The following PTPRK variants were observed in gnomAD, a reference collection of about 807,000 sequenced individuals.
PTPRK encodes the protein protein tyrosine phosphatase receptor type K.
Under a neutral mutation model 178.0 loss-of-function variants are expected in PTPRK, and 75 were observed. The ratio of observed to expected loss-of-function variants is 0.42; its 90% CI spans 0.35 to 0.51. The LOEUF (loss-of-function observed/expected upper bound fraction) is 0.51, where lower values mean the gene tolerates loss of function less well. PTPRK is among the 20% of genes least tolerant of loss of function. The pLI, the probability that PTPRK is intolerant of heterozygous loss-of-function variation, is 0.02. For missense variants in PTPRK, 1,441 were observed against 1,797.8 expected, an observed-to-expected ratio of 0.80 and a Z score of 3.59; for synonymous variants, 637 against 620.6, an observed-to-expected ratio of 1.03 and a Z score of -0.39.
intron 7 of PTPRK, among the ~76,000 whole-genome samples, chr6:128,107,745 A>T (rs146434074): frequency 6.6e-6 from 1 of 152,202 alleles, no homozygotes; most frequent in African/African-American, 2.4e-5. Flanking sequence ...AATTTGAGAG[A>T]TGAAGATTTT....
intron 2 of PTPRK, among the ~76,000 whole-genome samples, chr6:128,344,202 G>C (rs1832082821): frequency 6.6e-6 from 1 of 151,998 alleles, no homozygotes; most frequent in African/African-American, 2.4e-5. Context: ...ATTCTAAATG[G>C]GTAAATGACT....
intron 1 of PTPRK, among the ~76,000 whole-genome samples, chr6:128,431,501 T>TA (rs911548107): frequency 6.6e-5 from 10 of 151,474 alleles, no homozygotes; most frequent in Admixed American, 2.6e-4. Context: ...GAAATCAATT[T>TA]AAAAAAAAAT....
intron 1 of PTPRK, among the ~76,000 whole-genome samples, chr6:128,447,486 A>G (rs1847179182): frequency 6.6e-6 from 1 of 152,192 alleles, no homozygotes; most frequent in Non-Finnish European, 1.5e-5. Flanking sequence ...TACATAACTG[A>G]TCTAGAGATC....
chr6:128,269,158 T>C (rs1486809957), intron 3 of PTPRK, among the ~76,000 whole-genome samples: 1 of 151,974 alleles, frequency 6.6e-6, no homozygotes, highest in Admixed American at 6.6e-5. Flanking sequence ...TAAGGGGCAA[T>C]TCTTAACTTT....
chr6:128,196,863 C>G (rs939887898), intron 6 of PTPRK, among the ~76,000 whole-genome samples: 1 of 152,140 alleles, frequency 6.6e-6, no homozygotes, highest in Non-Finnish European at 1.5e-5. Flanking sequence ...TTTCCACGCT[C>G]AGCCAGGTCA....
At chr6:128,393,706 G>C (rs1205292251) in intron 2 of PTPRK, among the ~76,000 whole-genome samples, 1 of 152,170 alleles carries the variant, frequency 6.6e-6, no homozygotes, top group Non-Finnish European at 1.5e-5. Context: ...AGAGAATCCA[G>C]TATGGTAAGA....
intron 6 of PTPRK, among the ~76,000 whole-genome samples, chr6:128,216,061 T>A (rs1809221489): frequency 3.9e-5 from 6 of 152,138 alleles, no homozygotes; most frequent in Admixed American, 3.9e-4. Flanking sequence ...GTATCACCTG[T>A]ACGTATTAAA....
intron 4 of PTPRK, among the ~76,000 whole-genome samples, 180 bp from the exon 5 acceptor site, chr6:128,240,330 A>G (rs545375488): frequency 6.6e-6 from 1 of 152,282 alleles, no homozygotes; most frequent in African/African-American, 2.4e-5. Context: ...TGTGACTCTC[A>G]TAGTTCTCTT....
intron 2 of PTPRK, among the ~76,000 whole-genome samples, chr6:128,377,121 T>C (rs1373500219): frequency 6.6e-6 from 1 of 152,190 alleles, no homozygotes; most frequent in Non-Finnish European, 1.5e-5. Context: ...GGGTATCTTT[T>C]CACAGCACCT....
In PTPRK at chr6:127,969,180, T is replaced by C. The variant is rs1373122500; in HGVS notation, c.*1047A>G. ...CTGGGCCACAGGCTGAAAAACTCCA[T>C]TCCTTTAAAATTTAAATGATGCTTA... On this transcript the variant is annotated 3_prime_UTR_variant, in exon 30 of 30. Coordinates refer to ENST00000368226, the MANE Select transcript of PTPRK (RefSeq NM_002844.4). 2.0e-5 allele frequency: 3 copies of C among 152,190 alleles called. No individual in the cohort carries two copies. The highest frequency in any genetic ancestry group is 4.4e-5 in the Non-Finnish European group (3 of 68,020). 9.4% of individuals were successfully genotyped at this position (152,190 alleles called of 1,614,324 possible). A position where few individuals can be genotyped will look rare whatever the true frequency, so the allele number is the denominator to read the frequency against.
chr6:128,454,371 T>C (rs1226487350), intron 1 of PTPRK, among the ~76,000 whole-genome samples: 1 of 152,224 alleles, frequency 6.6e-6, no homozygotes, highest in African/African-American at 2.4e-5. Flanking sequence ...GTTATCTAAA[T>C]AGCAAAGATT....
intron 3 of PTPRK, among the ~76,000 whole-genome samples, chr6:128,265,006 C>T (rs776842876): frequency 1.8e-4 from 27 of 152,244 alleles, no homozygotes; most frequent in Non-Finnish European, 1.9e-4. Context: ...ACTGTAAGTC[C>T]ATTAAAGCAT....
At chr6:128,306,691 G>T (rs773122992) in intron 3 of PTPRK, among the ~76,000 whole-genome samples, 4 of 152,100 alleles carry the variant, frequency 2.6e-5, no homozygotes, top group Non-Finnish European at 5.9e-5. Context: ...CAGCCACTCG[G>T]GAGGCTGAGG....
chr6:128,141,681 A>G (rs1795790391), intron 7 of PTPRK, among the ~76,000 whole-genome samples: 1 of 151,922 alleles, frequency 6.6e-6, no homozygotes, highest in Non-Finnish European at 1.5e-5. Context: ...AACTGTTTTG[A>G]GCAGCTAGAG....
intron 1 of PTPRK, among the ~76,000 whole-genome samples, chr6:128,505,107 GTTT>G (rs34899985): frequency 1.5e-5 from 2 of 135,382 alleles, no homozygotes; most frequent in Non-Finnish European, 1.6e-5. Context: ...AAATTTACTT[GTTT>G]TTTTTTTTTT....
chr6:128,218,909 A>G lies in PTPRK; in HGVS notation c.868+13T>C, dbSNP rs761501945. 1.9e-6 allele frequency: 3 copies of G among 1,598,904 alleles called. No individual in the cohort carries two copies. Among genetic ancestry groups the G allele is most frequent in the Non-Finnish European group, 2.6e-6 (3 of 1,170,296 alleles). ...CCATGCAATTTCGTGAAGTGAAAAC[A>G]ATTTCACCTTACCTCTCACAATAAG... On this transcript the variant is annotated intron_variant, in intron 6 of 29. Transcript: ENST00000368226.
chr6:128,258,881 G>A (rs1343968856), intron 3 of PTPRK, among the ~76,000 whole-genome samples: 1 of 152,070 alleles, frequency 6.6e-6, no homozygotes, highest in Non-Finnish European at 1.5e-5. Flanking sequence ...AATGAGGGAG[G>A]CAGAGAGCAG....
intron 2 of PTPRK, among the ~76,000 whole-genome samples, chr6:128,394,777 C>T: frequency 6.6e-6 from 1 of 152,176 alleles, no homozygotes; most frequent in East Asian, 1.9e-4. Flanking sequence ...TGTATCTCCT[C>T]ATGAATAGAA....
At chr6:128,107,841 T>C (rs879335046) in intron 7 of PTPRK, among the ~76,000 whole-genome samples, 3 of 152,172 alleles carry the variant, frequency 2.0e-5, no homozygotes, top group Admixed American at 6.6e-5. Flanking sequence ...ATAATTGAGA[T>C]GGCACCTCCT....
Sources: allele counts gnomAD v4.1 joint callset (sites outside exome capture counted in the v4.1 genomes callset), GRCh38; gene constraint gnomAD v4.1.1; transcripts MANE v1.5; gene names NCBI Gene and HGNC (gene_info 2026-07-23, HGNC 2026-07-21).